Variants in PCDHGA5 observed in about 807,000 individuals in gnomAD.
The protein encoded by PCDHGA5 is protocadherin gamma subfamily A, 5.
A neutral mutation model predicts 56.7 loss-of-function variants in PCDHGA5; 36 were observed. The ratio of observed to expected loss-of-function variants is 0.64; its 90% CI spans 0.49 to 0.84. PCDHGA5 has a LOEUF of 0.84. PCDHGA5 is among the 40% of genes least tolerant of loss of function. The pLI is 0.00. For missense variants in PCDHGA5, 1,305 were observed against 1,201.5 expected (o/e 1.09, Z -1.27); for synonymous variants, 563 against 520.2 (o/e 1.08, Z -1.12).
rs1200487646 is a variant in PCDHGA5, at chr5:141,410,571, C to T, written c.2421+43820C>T. 3 of 1,612,028 alleles carry T rather than the reference C, an allele frequency of 1.9e-6. No homozygotes were observed. The highest frequency in any genetic ancestry group is 2.5e-6 in the Non-Finnish European group (3 of 1,179,884). On this transcript the variant is annotated intron_variant, in intron 1 of 3. Coordinates refer to ENST00000518069, the MANE Select transcript of PCDHGA5 (RefSeq NM_018918.3). The stretch of plus-strand genomic sequence containing the variant: ...AGTGTTTCTCCTGGAGCCTTAATTC[C>T]ACCTCATGGTGGGGAGGATTTGACT...
intron 2 of PCDHGA5, among the ~76,000 whole-genome samples, chr5:141,496,054 G>A (rs180707408): frequency 6.6e-6 from 1 of 150,988 alleles, no homozygotes; most frequent in Admixed American, 6.6e-5. Context: ...TTTTGTGCTT[G>A]TGGGCAAGCC....
intron 1 of PCDHGA5, among the ~76,000 whole-genome samples, chr5:141,456,969 A>G (rs2098901241): frequency 1.4e-5 from 2 of 147,268 alleles, no homozygotes; most frequent in Non-Finnish European, 3.1e-5. Flanking sequence ...TCTCAAAACA[A>G]AACAAACAAA....
chr5:141,490,257 T>C lies in PCDHGA5; in HGVS notation c.2422-4550T>C, dbSNP rs2099697852. On this transcript the variant is annotated intron_variant, in intron 1 of 3. Coordinates refer to ENST00000518069, the MANE Select transcript of PCDHGA5 (RefSeq NM_018918.3). The surrounding 1 kb of genome is among the most constrained non-coding windows in gnomAD (Gnocchi z 5.4). ...AGGGCCACTGTGTGATTCAAGTGGATGTGGGGGATGTCAATGACAATGCCC... is the reference window on the plus strand; with the variant it reads ...AGGGCCACTGTGTGATTCAAGTGGACGTGGGGGATGTCAATGACAATGCCC... The C allele has an allele frequency of 6.2e-7, 1 of 1,614,208 alleles. No individual in the cohort carries two copies. Among genetic ancestry groups the C allele is most frequent in the South Asian group, 1.1e-5 (1 of 91,078 alleles).
chr5:141,409,961 C>G (rs538942740), intron 1 of PCDHGA5: 26 of 1,613,442 alleles, frequency 1.6e-5, no homozygotes, highest in Admixed American at 8.3e-5. Context: ...GCCCGGCTAC[C>G]TAGTGACTAA....
Position 141,485,856 on chromosome 5 carries a change from T to C in PCDHGA5, c.2422-8951T>C. ...CCGCCGAGATCTGGCACCGCAGAGC[T>C]CCGGGTATCCGTGCTGGACGTAAAC... is the stretch of plus-strand genomic sequence containing the variant. On this transcript the variant is annotated intron_variant, in intron 1 of 3. Coordinates refer to ENST00000518069, the MANE Select transcript of PCDHGA5 (RefSeq NM_018918.3). The surrounding 1 kb of genome is among the most constrained non-coding windows in gnomAD (Gnocchi z 5.7). 1 of 1,614,108 alleles carries C rather than the reference T, an allele frequency of 6.2e-7. No individual in the cohort carries two copies. The highest frequency in any genetic ancestry group is 8.5e-7 in the Non-Finnish European group (1 of 1,180,014).
chr5:141,503,773 C>A (rs961986223), intron 2 of PCDHGA5, among the ~76,000 whole-genome samples: 1 of 152,204 alleles, frequency 6.6e-6, no homozygotes. Context: ...TGTGTCTGTT[C>A]TTAGGCTGAG....
chr5:141,366,410 G>A lies in PCDHGA5; in HGVS notation c.2080G>A (p.Val694Met). 6.2e-7 allele frequency: 1 copy of A among 1,614,204 alleles called. No individual in the cohort carries two copies. The highest frequency in any genetic ancestry group is 8.5e-7 in the Non-Finnish European group (1 of 1,180,046). ...PEDLDLTLYL[V>M]VAVAAVSCVF... ...GGATCTGGACCTCACACTCTATCTT[G>A]TGGTGGCAGTGGCTGCAGTCTCCTG... Residue 694 changes from valine (V) to methionine (M), a missense_variant, in exon 1 of 4, where the codon GTG becomes ATG. Coordinates refer to ENST00000518069, the MANE Select transcript of PCDHGA5 (RefSeq NM_018918.3).
intron 1 of PCDHGA5, among the ~76,000 whole-genome samples, chr5:141,382,313 T>G (rs1490254305): frequency 1.3e-5 from 2 of 152,226 alleles, no homozygotes; most frequent in African/African-American, 4.8e-5. Flanking sequence ...TTATATACAC[T>G]GATGTAAATA....
chr5:141,420,401 A>G, intron 1 of PCDHGA5: 1 of 1,249,172 alleles, frequency 8.0e-7, no homozygotes. Flanking sequence ...GGTCAAATTT[A>G]TGGTTATCAT....
At position 141,507,794 on chromosome 5, in the gene PCDHGA5, C is replaced by CT. The variant is rs576191739; in HGVS notation, c.2569+2314dup. On this transcript the variant is annotated intron_variant, in intron 3 of 3. Coordinates refer to ENST00000518069, the MANE Select transcript of PCDHGA5 (RefSeq NM_018918.3). ...CACAGGGCCTGACCCTCGTCTAAGC[C>CT]TGCGCCCTGGGGAACGGACCCTGGG... 7.9e-4 allele frequency among the ~76,000 whole-genome samples: 120 copies of CT among 152,356 alleles called. 2 individuals carry two copies. The highest frequency in any genetic ancestry group is 2.8e-3 in the African/African-American group (115 of 41,592).
intron 1 of PCDHGA5, chr5:141,408,141 C>G: frequency 1.3e-6 from 2 of 1,492,116 alleles, no homozygotes; most frequent in Non-Finnish European, 1.8e-6. Context: ...GCTCTTTTAG[C>G]GCGGTAGAGT....
intron 1 of PCDHGA5, chr5:141,384,091 A>G: frequency 3.1e-6 from 5 of 1,595,856 alleles, no homozygotes; most frequent in South Asian, 1.1e-5. Flanking sequence ...AGAAAAATCA[A>G]TAGATAATTA....
chr5:141,466,285 C>A (rs1271958613), intron 1 of PCDHGA5, among the ~76,000 whole-genome samples: 1 of 152,148 alleles, frequency 6.6e-6, no homozygotes, highest in African/African-American at 2.4e-5. Context: ...ATCTTCCCAC[C>A]TCAGGCTCCC....
rs189127761 is a variant in PCDHGA5 at position 141,385,037 on chromosome 5, C to A, written c.2421+18286C>A. Reference sequence around the variant, plus strand: ...CTAGCCTTCGTCCTCGTACTGCTGGCGCTCAGGCTGCGGCGCTGGCACAAG... The same window carrying A: ...CTAGCCTTCGTCCTCGTACTGCTGGAGCTCAGGCTGCGGCGCTGGCACAAG... On this transcript the variant is annotated intron_variant, in intron 1 of 3. Transcript: ENST00000518069. The A allele has an allele frequency of 5.8e-5, 93 of 1,614,148 alleles. No individual in the cohort carries two copies. In the East Asian group the frequency reaches 1.7e-3, roughly 30 times the overall value.
At chr5:141,379,256 A>C (rs896314996) in intron 1 of PCDHGA5, 1 of 152,234 alleles carries the variant, frequency 6.6e-6, no homozygotes, top group Non-Finnish European at 1.5e-5. Flanking sequence ...ATTTACATTT[A>C]AGGAATTGTT....
chr5:141,407,958 A>G lies in PCDHGA5; in HGVS notation c.2421+41207A>G, dbSNP rs1018466165. On this transcript the variant is annotated intron_variant, in intron 1 of 3. Transcript: ENST00000518069. ...TGGGCGCCGCTGTCGGCCAGTGCAG[A>G]GCAAGCGCTGACGCCGGGGATCCGT... 5 of 660,632 alleles carry G rather than the reference A, an allele frequency of 7.6e-6. No homozygotes were observed. In the South Asian group the frequency reaches 1.2e-4, roughly 15 times the overall value. 40.9% of individuals were successfully genotyped at this position (660,632 alleles called of 1,614,324 possible).
intron 1 of PCDHGA5, chr5:141,392,908 G>T: frequency 1.2e-6 from 2 of 1,613,852 alleles, no homozygotes; most frequent in African/African-American, 1.3e-5. Context: ...GGACAGATTC[G>T]CTACTCTGTG....
In PCDHGA5 at chr5:141,366,321, T is replaced by G. The variant is rs752863239; in HGVS notation, c.1991T>G (p.Val664Gly). The change falls in exon 1 of 4, where the codon GTG (valine) becomes GGG (glycine). Residue 664 changes from valine (V) to glycine (G), a missense_variant. Transcript: ENST00000518069. ...GCCACCTTCACGGTCACCGTTGCCG[T>G]GGCCGACAGGATCCCTGACATCCTG... ...LSATFTVTVA[V>G]ADRIPDILAD... 1 of 1,613,820 alleles carries G rather than the reference T, an allele frequency of 6.2e-7. No homozygotes were observed. Among genetic ancestry groups the G allele is most frequent in the Non-Finnish European group, 8.5e-7 (1 of 1,179,998 alleles).
At position 141,485,662 on chromosome 5, in the gene PCDHGA5, G is replaced by T. The variant is rs778404230; in HGVS notation, c.2422-9145G>T. ...AAAAGGCTCAGGATGCAGATGTGGG[G>T]AGCAATTCGATTAGCAGCTATAGGC... On this transcript the variant is annotated intron_variant, in intron 1 of 3. Coordinates refer to ENST00000518069, the MANE Select transcript of PCDHGA5 (RefSeq NM_018918.3). This position sits in a 1 kb window ranked among gnomAD's most constrained non-coding sequence, Gnocchi z 5.7. The T allele has an allele frequency of 1.1e-5, 18 of 1,612,748 alleles. No individual in the cohort carries two copies. The South Asian group carries it at 1.9e-4, about 17-fold the overall frequency.
Sources: gnomAD v4.1 joint callset for allele counts (sites outside exome capture counted in the v4.1 genomes callset) on GRCh38, gnomAD v4.1.1 for gene constraint, Gnocchi (gnomAD v3.1) non-coding constraint, MANE v1.5 for transcripts, NCBI Gene and HGNC (gene_info 2026-07-23, HGNC 2026-07-21) for gene names.